Variants in NOL10 observed in about 807,000 individuals in gnomAD.
NOL10 encodes the protein nucleolar protein 10.
Under a neutral mutation model 103.5 loss-of-function variants are expected in NOL10, and 58 were observed. The observed-to-expected ratio is 0.56, with a 90% CI of 0.45 to 0.70. The LOEUF is 0.70. NOL10 is among the 30% of genes least tolerant of loss of function. NOL10 has a pLI of 0.00. For synonymous variants in NOL10, 287 were observed against 282.5 expected (o/e 1.02, Z -0.16); for missense variants, 763 against 807.3 (o/e 0.95, Z 0.67).
chr2:10,668,270 C>G lies in NOL10; in HGVS notation c.530+388G>C, dbSNP rs529365806. On this transcript the variant is annotated intron_variant, in intron 7 of 20. Coordinates refer to ENST00000381685, the MANE Select transcript of NOL10 (RefSeq NM_024894.4). Reference sequence around the variant, plus strand: ...ACTATAATGTATGATAAAAGGAAACCTTTAAAAACCTTAAATGTCCGCTAG... The same window carrying G: ...ACTATAATGTATGATAAAAGGAAACGTTTAAAAACCTTAAATGTCCGCTAG... 6.6e-5 allele frequency among the ~76,000 whole-genome samples: 10 copies of G among 152,034 alleles called. No individual in the cohort carries two copies. The East Asian group carries it at 1.9e-3, about 29-fold the overall frequency.
At chr2:10,627,238 C>A (rs534327655) in intron 13 of NOL10, among the ~76,000 whole-genome samples, 3 of 152,212 alleles carry the variant, frequency 2.0e-5, no homozygotes, top group African/African-American at 7.2e-5. Context: ...CAGAACTCCA[C>A]ACTTTTTCCC....
At chr2:10,660,133 TGGCTGTC>T (rs1425615832) in intron 9 of NOL10, among the ~76,000 whole-genome samples, 1 of 152,198 alleles carries the variant, frequency 6.6e-6, no homozygotes, top group Non-Finnish European at 1.5e-5. Context: ...TCCTGGCTGT[TGGCTGTC>T]GGCATCATCA....
chr2:10,670,062 A>G (rs1680827475), intron 6 of NOL10, among the ~76,000 whole-genome samples: 1 of 152,078 alleles, frequency 6.6e-6, no homozygotes, highest in Non-Finnish European at 1.5e-5. Flanking sequence ...AAAACTAATA[A>G]TAAAACCAAA....
intron 13 of NOL10, among the ~76,000 whole-genome samples, chr2:10,609,179 C>A (rs1676411968): frequency 6.6e-6 from 1 of 151,854 alleles, no homozygotes; most frequent in African/African-American, 2.4e-5. Context: ...CATGTCCACA[C>A]ACACGCACAT....
intron 12 of NOL10, among the ~76,000 whole-genome samples, chr2:10,652,391 A>C (rs1679530184): frequency 6.6e-6 from 1 of 152,116 alleles, no homozygotes; most frequent in African/African-American, 2.4e-5. Context: ...AGAGGTAAGA[A>C]AAAAACAGAA....
At chr2:10,655,656 A>G (rs1182762456) in intron 11 of NOL10, among the ~76,000 whole-genome samples, 1 of 152,236 alleles carries the variant, frequency 6.6e-6, no homozygotes, top group Non-Finnish European at 1.5e-5. Flanking sequence ...GTTAGTCAAG[A>G]GGAAGTCTTT....
intron 3 of NOL10, among the ~76,000 whole-genome samples, chr2:10,676,670 T>C (rs1383539819): frequency 6.7e-6 from 1 of 149,736 alleles, no homozygotes; most frequent in African/African-American, 2.5e-5. Context: ...CAGAGTCTCA[T>C]TCTGTCATTT....
At chr2:10,687,762 C>G (rs772501975) in intron 1 of NOL10, among the ~76,000 whole-genome samples, 4 of 152,066 alleles carry the variant, frequency 2.6e-5, no homozygotes, top group Non-Finnish European at 4.4e-5. Context: ...GAGACCATAC[C>G]GGCCAACATA....
intron 20 of NOL10, 97 bp downstream of exon 20, chr2:10,577,539 A>T: frequency 1.2e-6 from 1 of 836,782 alleles, no homozygotes; most frequent in Non-Finnish European, 1.9e-6. Context: ...ATAGGGGAAA[A>T]GCATTGAGAA....
chr2:10,663,021 T>C lies in NOL10; in HGVS notation c.615A>G (p.Pro205=), dbSNP rs1484588973. 2.5e-6 allele frequency: 4 copies of C among 1,613,968 alleles called. No individual in the cohort carries two copies. The Admixed American group carries it at 5.0e-5, about 20-fold the overall frequency. The stretch of plus-strand genomic sequence containing the variant: ...ACAGGCCAACTCTGTTTCGAGTTCT[T>C]GGGTCCCAGCACTCCACTCTACCCT... The part of the protein sequence containing the change: ...TIEGRVECWD[P]RTRNRVGLLD... Residue 205 remains proline (P), a synonymous_variant, in exon 9 of 21, where the codon CCA becomes CCG. Coordinates refer to ENST00000381685, the MANE Select transcript of NOL10 (RefSeq NM_024894.4).
intron 6 of NOL10, 102 bp downstream of exon 6, chr2:10,671,452 T>C (rs1033328772): frequency 2.0e-6 from 2 of 1,006,010 alleles, no homozygotes; most frequent in African/African-American, 3.4e-5. Flanking sequence ...CACTTTTTTA[T>C]TAAAGCAAGT....
intron 6 of NOL10, among the ~76,000 whole-genome samples, chr2:10,670,145 T>C (rs776606031): frequency 4.6e-5 from 7 of 152,166 alleles, no homozygotes; most frequent in Non-Finnish European, 7.3e-5. Context: ...AACTAGATTA[T>C]ACATGTCTAT....
chr2:10,645,708 T>G (rs1316263756), intron 12 of NOL10, among the ~76,000 whole-genome samples: 1 of 151,974 alleles, frequency 6.6e-6, no homozygotes, highest in African/African-American at 2.4e-5. Flanking sequence ...TTTTTTGTAT[T>G]TTTAGTGGAG....
At chr2:10,630,123 C>A (rs1677737526) in intron 13 of NOL10, among the ~76,000 whole-genome samples, 1 of 152,200 alleles carries the variant, frequency 6.6e-6, no homozygotes, top group Non-Finnish European at 1.5e-5. Context: ...CTCTTTGCCA[C>A]CCACGGACCC....
intron 13 of NOL10, among the ~76,000 whole-genome samples, chr2:10,625,648 T>G (rs1271270693): frequency 4.6e-5 from 7 of 152,204 alleles, no homozygotes; most frequent in Non-Finnish European, 1.5e-5. Flanking sequence ...TTTAACAATC[T>G]GTAATAACTA....
intron 13 of NOL10, among the ~76,000 whole-genome samples, chr2:10,635,375 G>C (rs1678132921): frequency 6.6e-6 from 1 of 152,162 alleles, no homozygotes; most frequent in Non-Finnish European, 1.5e-5. Flanking sequence ...TCCAGAGATT[G>C]TGGGACAAAT....
In NOL10 at chr2:10,638,304, T is replaced by TAAC. The variant is rs1558311128; in HGVS notation, c.1026+6015_1026+6016insGTT. Among the ~76,000 whole-genome samples the TAAC allele has an allele frequency of 9.5e-5, 12 of 125,816 alleles. No individual in the cohort carries two copies. In the East Asian group the frequency reaches 2.6e-3, roughly 27 times the overall value. The allele number at this position is 125,816 out of a possible 152,430, so 82.5% of individuals were successfully genotyped here. ...TGTCTCATTCAAAAATAACGTAACG[T>TAAC]GACGTGACGTGACGTGACGTGACGT... On this transcript the variant is annotated intron_variant, in intron 13 of 20. Transcript: ENST00000381685.
In NOL10 at chr2:10,573,731, T is replaced by C. The variant is rs1389484882; in HGVS notation, c.1948-1541A>G. Among the ~76,000 whole-genome samples, 6 of 151,998 alleles carry C rather than the reference T, an allele frequency of 3.9e-5. No homozygotes were observed. In the East Asian group the frequency reaches 1.2e-3, roughly 29 times the overall value. On this transcript the variant is annotated intron_variant, in intron 20 of 20. Coordinates refer to ENST00000381685, the MANE Select transcript of NOL10 (RefSeq NM_024894.4). ...ACCGGGTTTCTGCATAATTCTTAAGTCCCTTCTCTGACTATTACTATTCTT... is the reference window on the plus strand; with the variant it reads ...ACCGGGTTTCTGCATAATTCTTAAGCCCCTTCTCTGACTATTACTATTCTT...
chr2:10,605,856 T>G (rs1676226873), intron 14 of NOL10, among the ~76,000 whole-genome samples: 1 of 152,204 alleles, frequency 6.6e-6, no homozygotes, highest in African/African-American at 2.4e-5. Context: ...CAGAAAGTAA[T>G]TCCGCCTGGA....
Sources: allele counts gnomAD v4.1 joint callset (sites outside exome capture counted in the v4.1 genomes callset), GRCh38; gene constraint gnomAD v4.1.1; transcripts MANE v1.5; gene names NCBI Gene and HGNC (gene_info 2026-07-23, HGNC 2026-07-21).